FHIT: variants seen among roughly 807,000 people sequenced by gnomAD.
FHIT encodes the protein fragile histidine triad diadenosine triphosphatase, also known as bis(5'-adenosyl)-triphosphatase.
In FHIT, 19 loss-of-function variants were observed where a neutral mutation model predicts 17.9. That is an observed-to-expected ratio of 1.06 (90% CI 0.74 to 1.56). The LOEUF (loss-of-function observed/expected upper bound fraction) is 1.56. Among genes scored for constraint, FHIT ranks in the 40% most tolerant of loss-of-function variants. FHIT has a pLI of 0.00. For missense variants in FHIT, 248 were observed against 189.2 expected, an observed-to-expected ratio of 1.31 and a Z score of -1.82; for synonymous variants, 81 against 69.7, an observed-to-expected ratio of 1.16 and a Z score of -0.81.
At chr3:61,001,288 C>A (rs2031064794) in intron 3 of FHIT, among the ~76,000 whole-genome samples, 1 of 151,950 alleles carries the variant, frequency 6.6e-6, no homozygotes, top group Non-Finnish European at 1.5e-5. Flanking sequence ...GCTATATTAC[C>A]CAGAAGTGGC....
At chr3:59,982,857 C>A (rs1708714748) in intron 7 of FHIT, among the ~76,000 whole-genome samples, 1 of 152,142 alleles carries the variant, frequency 6.6e-6, no homozygotes, top group Non-Finnish European at 1.5e-5. Flanking sequence ...ACATTACTGG[C>A]ATAATTACTA....
At chr3:61,106,722 C>T (rs2036000008) in intron 2 of FHIT, among the ~76,000 whole-genome samples, 1 of 151,966 alleles carries the variant, frequency 6.6e-6, no homozygotes, top group Non-Finnish European at 1.5e-5. Context: ...AGTGAAGTGG[C>T]GCATGTCAGC....
intron 4 of FHIT, among the ~76,000 whole-genome samples, chr3:60,734,977 C>A (rs541209357): frequency 6.6e-6 from 1 of 152,214 alleles, no homozygotes; most frequent in African/African-American, 2.4e-5. Context: ...TGAACCAAAG[C>A]AATTAGGAAC....
At chr3:60,349,635 T>C (rs1710980475) in intron 5 of FHIT, among the ~76,000 whole-genome samples, 1 of 152,200 alleles carries the variant, frequency 6.6e-6, no homozygotes, top group African/African-American at 2.4e-5. Flanking sequence ...AAAGATAAAC[T>C]GTTTATTAAT....
intron 4 of FHIT, among the ~76,000 whole-genome samples, chr3:60,746,329 A>C (rs2108020940): frequency 6.6e-6 from 1 of 152,312 alleles, no homozygotes; most frequent in East Asian, 1.9e-4. Flanking sequence ...TTTGGGAGAG[A>C]TAATTGAAGG....
intron 4 of FHIT, among the ~76,000 whole-genome samples, chr3:60,561,680 AG>A (rs1454800222): frequency 6.6e-6 from 1 of 152,166 alleles, no homozygotes; most frequent in Non-Finnish European, 1.5e-5. Context: ...TAGAAATGGG[AG>A]CCAGAGATAG....
At chr3:61,100,384 A>C (rs1046668726) in intron 2 of FHIT, among the ~76,000 whole-genome samples, 3 of 152,226 alleles carry the variant, frequency 2.0e-5, no homozygotes, top group Non-Finnish European at 1.5e-5. Flanking sequence ...TACAAAGGAC[A>C]TGAAATTATC....
chr3:60,980,528 A>T (rs187208207), intron 3 of FHIT, among the ~76,000 whole-genome samples: 2 of 152,230 alleles, frequency 1.3e-5, no homozygotes, highest in Admixed American at 1.3e-4. Context: ...AAGTTATCAC[A>T]GAAAATGAAA....
intron 4 of FHIT, among the ~76,000 whole-genome samples, chr3:60,566,604 G>T (rs561132436): frequency 2.3e-4 from 35 of 152,132 alleles, no homozygotes; most frequent in African/African-American, 7.7e-4. Flanking sequence ...GGAAGCTCTG[G>T]CCAGGGCAAT....
intron 8 of FHIT, among the ~76,000 whole-genome samples, chr3:59,773,406 T>G (rs1323716106): frequency 2.0e-5 from 3 of 152,200 alleles, no homozygotes; most frequent in African/African-American, 7.2e-5. Flanking sequence ...AAGCTGCGTA[T>G]CTTCTCTGCC....
At chr3:60,963,895 A>C (rs1482651785) in intron 3 of FHIT, among the ~76,000 whole-genome samples, 1 of 152,184 alleles carries the variant, frequency 6.6e-6, no homozygotes, top group Non-Finnish European at 1.5e-5. Context: ...TGCTGAGAAG[A>C]ATGTATCTTC....
intron 5 of FHIT, among the ~76,000 whole-genome samples, chr3:60,519,350 C>T (rs1163025531): frequency 3.9e-5 from 6 of 152,160 alleles, no homozygotes; most frequent in Admixed American, 3.9e-4. Context: ...TACTGGTAGA[C>T]TGCATTAAAA....
At chr3:60,297,216 T>C (rs2106690950) in intron 5 of FHIT, among the ~76,000 whole-genome samples, 1 of 152,008 alleles carries the variant, frequency 6.6e-6, no homozygotes, top group East Asian at 1.9e-4. Context: ...ATATTAAAAC[T>C]CTGTATCAAC....
intron 1 of FHIT, among the ~76,000 whole-genome samples, chr3:61,205,539 T>C (rs1344878202): frequency 1.3e-5 from 2 of 152,178 alleles, no homozygotes; most frequent in African/African-American, 2.4e-5. Flanking sequence ...TGGTATCTCA[T>C]TGTGGTTTTG....
chr3:60,763,813 A>C (rs1010487749), intron 4 of FHIT, among the ~76,000 whole-genome samples: 1 of 152,198 alleles, frequency 6.6e-6, no homozygotes, highest in Non-Finnish European at 1.5e-5. Flanking sequence ...TTTGAAATGA[A>C]GTGGAAGAAT....
At chr3:60,014,401 T>C (rs560049610) in intron 5 of FHIT, among the ~76,000 whole-genome samples, 1 of 152,282 alleles carries the variant, frequency 6.6e-6, no homozygotes, top group African/African-American at 2.4e-5. Flanking sequence ...AAAGGGACAT[T>C]CGTGTACAGA....
intron 7 of FHIT, among the ~76,000 whole-genome samples, chr3:59,939,855 T>C (rs771351370): frequency 1.1e-3 from 160 of 151,958 alleles, no homozygotes; most frequent in Non-Finnish European, 2.0e-3. Context: ...ACAGGTAAGG[T>C]TGAGTTAATG....
chr3:61,000,500 A>G (rs992540496), intron 3 of FHIT, among the ~76,000 whole-genome samples: 20 of 152,286 alleles, frequency 1.3e-4, no homozygotes, highest in African/African-American at 4.8e-4. Context: ...CTTTGATACC[A>G]AATGGCTTCT....
chr3:60,562,594 C>A (rs1170484762), intron 4 of FHIT, among the ~76,000 whole-genome samples: 1 of 152,078 alleles, frequency 6.6e-6, no homozygotes, highest in Non-Finnish European at 1.5e-5. Flanking sequence ...GGGTATAATA[C>A]CAGCCAGCAC....
Sources: gnomAD v4.1 joint callset for allele counts (sites outside exome capture counted in the v4.1 genomes callset) on GRCh38, gnomAD v4.1.1 for gene constraint, MANE v1.5 for transcripts, NCBI Gene and HGNC (gene_info 2026-07-23, HGNC 2026-07-21) for gene names.